GRM7: variants seen among roughly 807,000 people sequenced by gnomAD.
GRM7 encodes the protein metabotropic glutamate receptor 7.
Under a neutral mutation model 84.5 loss-of-function variants are expected in GRM7, and 35 were observed. The ratio of observed to expected loss-of-function variants is 0.41; its 90% CI spans 0.32 to 0.55. GRM7 has a LOEUF of 0.55. GRM7 is among the 20% of genes least tolerant of loss of function. The probability of loss-of-function intolerance (pLI) is 0.19; values close to 1 mark genes in which losing one functional copy is unlikely to be tolerated. For synonymous variants in GRM7, 487 were observed against 455.1 expected (o/e 1.07, Z -0.89); for missense variants, 1,003 against 1,194.6 (o/e 0.84, Z 2.36).
At chr3:7,473,044 A>G (rs1022546915) in intron 7 of GRM7, among the ~76,000 whole-genome samples, 8 of 152,192 alleles carry the variant, frequency 5.3e-5, no homozygotes, top group Non-Finnish European at 1.2e-4. Flanking sequence ...CTGGCTGCGA[A>G]AGGCAATGAA....
At chr3:7,722,450 T>C (rs1480910067) in intron 9 of GRM7, among the ~76,000 whole-genome samples, 1 of 5,630 alleles carries the variant, frequency 1.8e-4, no homozygotes, top group Non-Finnish European at 3.1e-4. Context: ...CCTTGTGTCT[T>C]TTTTTTTTTT....
At chr3:7,218,946 A>G (rs1055755389) in intron 2 of GRM7, among the ~76,000 whole-genome samples, 1 of 152,150 alleles carries the variant, frequency 6.6e-6, no homozygotes, top group African/African-American at 2.4e-5. Flanking sequence ...ACTACCCATC[A>G]TTTATTGATA....
chr3:6,902,413 C>T (rs1696420700), intron 1 of GRM7, among the ~76,000 whole-genome samples: 1 of 152,004 alleles, frequency 6.6e-6, no homozygotes, highest in South Asian at 2.1e-4. Context: ...GAACCCAAAG[C>T]CCAAATTTAT....
chr3:7,450,383 A>C (rs1280342553), intron 5 of GRM7, among the ~76,000 whole-genome samples: 2 of 152,084 alleles, frequency 1.3e-5, no homozygotes, highest in African/African-American at 4.8e-5. Context: ...AATATATATA[A>C]AAAATACACA....
At chr3:7,053,988 T>A (rs1697113127) in intron 1 of GRM7, among the ~76,000 whole-genome samples, 2 of 151,202 alleles carry the variant, frequency 1.3e-5, no homozygotes, top group African/African-American at 4.8e-5. Flanking sequence ...ATGGGATTTA[T>A]TTAATTTTAT....
intron 8 of GRM7, among the ~76,000 whole-genome samples, chr3:7,625,095 T>G (rs1349945919): frequency 6.6e-6 from 1 of 152,184 alleles, no homozygotes; most frequent in Non-Finnish European, 1.5e-5. Context: ...AGAGGCAATA[T>G]TCACACTATG....
intron 1 of GRM7, among the ~76,000 whole-genome samples, chr3:6,889,235 C>A (rs1241984569): frequency 3.3e-5 from 5 of 152,164 alleles, no homozygotes; most frequent in Middle Eastern, 3.4e-3. Context: ...CCTTCTCCTG[C>A]CTGATTGACC....
intron 1 of GRM7, among the ~76,000 whole-genome samples, chr3:7,077,366 A>G (rs145643142): frequency 0.011 from 1,724 of 152,262 alleles, 35 homozygotes; most frequent in African/African-American, 0.039. Flanking sequence ...AATGTGGCAC[A>G]TATATACCAT....
intron 5 of GRM7, among the ~76,000 whole-genome samples, chr3:7,426,571 C>T (rs1030798356): frequency 3.9e-5 from 6 of 152,144 alleles, no homozygotes; most frequent in African/African-American, 1.4e-4. Context: ...ACTGAAGCTC[C>T]CATCACGATC....
chr3:7,457,795 G>A (rs1698080326), intron 6 of GRM7, among the ~76,000 whole-genome samples: 1 of 152,122 alleles, frequency 6.6e-6, no homozygotes, highest in African/African-American at 2.4e-5. Flanking sequence ...CCACTGATGG[G>A]CCACATGTAG....
At chr3:6,890,227 T>G (rs866642720) in intron 1 of GRM7, among the ~76,000 whole-genome samples, 18 of 152,192 alleles carry the variant, frequency 1.2e-4, no homozygotes. Flanking sequence ...GTGTCTCTAT[T>G]TCCTTCAGTT....
intron 5 of GRM7, among the ~76,000 whole-genome samples, chr3:7,432,445 C>T (rs985199730): frequency 3.9e-5 from 6 of 152,014 alleles, no homozygotes; most frequent in South Asian, 2.1e-4. Flanking sequence ...CTCAGCCTCC[C>T]GAGTAGCTGG....
In GRM7 at chr3:6,881,568, A is replaced by G. The variant is rs112629722; in HGVS notation, c.519+19661A>G. ...ATGGGCATTTGGTCTAATACCCACA[A>G]TCTACAAGGAACTCAAACAAATTTT... On this transcript the variant is annotated intron_variant, in intron 1 of 9. Coordinates refer to ENST00000357716, the MANE Select transcript of GRM7 (RefSeq NM_000844.4). 3.7e-3 allele frequency among the ~76,000 whole-genome samples: 553 copies of G among 151,360 alleles called. 5 individuals are homozygous for G. The highest frequency in any genetic ancestry group is 0.013 in the African/African-American group (518 of 41,350).
chr3:6,957,850 T>C (rs1001832326), intron 1 of GRM7, among the ~76,000 whole-genome samples: 1 of 152,184 alleles, frequency 6.6e-6, no homozygotes, highest in African/African-American at 2.4e-5. Context: ...AGGAAAGACA[T>C]TATATAAACA....
chr3:7,489,883 C>G (rs937298630), intron 7 of GRM7, among the ~76,000 whole-genome samples: 2 of 151,452 alleles, frequency 1.3e-5, no homozygotes, highest in African/African-American at 4.8e-5. Flanking sequence ...TGACATATAA[C>G]AGATTCATTA....
Position 6,862,707 on chromosome 3 carries a change from C to A in GRM7, c.519+800C>A. ...CTCACGCGAAACGAAATCGCTCTCC[C>A]TGCCTCCTCCCTCCTCCCCCCCGCC... On this transcript the variant is annotated intron_variant, in intron 1 of 9. Transcript: ENST00000357716. The surrounding 1 kb of genome is among the most constrained non-coding windows in gnomAD (Gnocchi z 5.2). 3.8e-6 allele frequency: 1 copy of A among 261,770 alleles called. No individual in the cohort carries two copies. Among genetic ancestry groups the A allele is most frequent in the Non-Finnish European group, 7.4e-6 (1 of 134,768 alleles). The allele number at this position is 261,770 out of a possible 1,614,324, so 16.2% of individuals were successfully genotyped here.
intron 2 of GRM7, among the ~76,000 whole-genome samples, chr3:7,294,404 T>A (rs1051823169): frequency 6.6e-6 from 1 of 152,146 alleles, no homozygotes; most frequent in Non-Finnish European, 1.5e-5. Context: ...TCCTCCATAA[T>A]GCTTTCCAGA....
chr3:7,611,120 G>A (rs1307711198), intron 8 of GRM7, among the ~76,000 whole-genome samples: 2 of 152,014 alleles, frequency 1.3e-5, no homozygotes, highest in Non-Finnish European at 2.9e-5. Context: ...CAGACCTTCT[G>A]CACATTAGTT....
intron 5 of GRM7, among the ~76,000 whole-genome samples, chr3:7,443,167 C>T (rs1697363234): frequency 1.3e-5 from 2 of 152,064 alleles, no homozygotes; most frequent in Non-Finnish European, 2.9e-5. Flanking sequence ...TAATGAATCA[C>T]CATGTATCCA....
Sources: gnomAD v4.1 joint callset for allele counts (sites outside exome capture counted in the v4.1 genomes callset) on GRCh38, gnomAD v4.1.1 for gene constraint, Gnocchi (gnomAD v3.1) non-coding constraint, MANE v1.5 for transcripts, NCBI Gene and HGNC (gene_info 2026-07-23, HGNC 2026-07-21) for gene names.